The following LSM12 variants were observed in gnomAD, a reference collection of about 807,000 sequenced individuals.
LSM12 encodes LSM12 homolog.
For synonymous variants in LSM12, 74 were observed against 87.3 expected, an observed-to-expected ratio of 0.85 and a Z score of 0.85; for missense variants, 108 against 238.9, an observed-to-expected ratio of 0.45 and a Z score of 3.61.
At position 44,051,163 on chromosome 17, in the gene LSM12, T is replaced by G. The variant is rs187538962; in HGVS notation, c.259-10907A>C. Among the ~76,000 whole-genome samples, 98 of 151,988 alleles carry G rather than the reference T, an allele frequency of 6.4e-4. 2 individuals carry two copies. The highest frequency in any genetic ancestry group is 2.3e-3 in the African/African-American group (96 of 41,464). On this transcript the variant is annotated intron_variant, in intron 2 of 4. Coordinates refer to ENST00000293406, the MANE Select transcript of LSM12 (RefSeq NM_001371445.1). Reference sequence around the variant, plus strand: ...GGCTCACACCTGTAATCCCAGCACTTTGGGAGGCAGAGGAGGGCAGATCAC... The same window carrying G: ...GGCTCACACCTGTAATCCCAGCACTGTGGGAGGCAGAGGAGGGCAGATCAC...
At chr17:44,053,059 A>C (rs2049667629) in intron 2 of LSM12, among the ~76,000 whole-genome samples, 3 of 152,052 alleles carry the variant, frequency 2.0e-5, no homozygotes, top group African/African-American at 7.2e-5. Flanking sequence ...AGCACTCCCA[A>C]ATCAGCTTGA....
intron 1 of LSM12, among the ~76,000 whole-genome samples, chr17:44,065,047 C>CG (rs1219448012): frequency 3.3e-5 from 5 of 151,898 alleles, no homozygotes; most frequent in Admixed American, 3.3e-4. Flanking sequence ...GCAGAAGAAT[C>CG]GCTTGAATCC....
rs1597901725 is a variant in LSM12 at position 44,066,619 on chromosome 17, G to A, written c.-32C>T. 6 of 1,317,246 alleles carry A rather than the reference G, an allele frequency of 4.6e-6. No homozygotes were observed. The highest frequency in any genetic ancestry group is 1.5e-5 in the African/African-American group (1 of 64,672). 81.6% of individuals were successfully genotyped at this position (1,317,246 alleles called of 1,614,324 possible). On this transcript the variant is annotated 5_prime_UTR_variant, in exon 1 of 5. Coordinates refer to ENST00000293406, the MANE Select transcript of LSM12 (RefSeq NM_001371445.1). ...AGTGCAGCCGCGGCCGGCGGCGGCGGCGGCAGCAGCGGGCGAAAGCCGGGC... is the reference window on the plus strand; with the variant it reads ...AGTGCAGCCGCGGCCGGCGGCGGCGACGGCAGCAGCGGGCGAAAGCCGGGC...
upstream of LSM12, among the ~76,000 whole-genome samples, chr17:44,067,126 C>A (rs568377725): frequency 6.6e-6 from 1 of 152,096 alleles, no homozygotes; most frequent in East Asian, 1.9e-4. Context: ...ATGGTGAAAC[C>A]CCGTCTCTAC....
At chr17:44,065,258 C>T (rs772995825) in intron 1 of LSM12, among the ~76,000 whole-genome samples, 24 of 151,504 alleles carry the variant, frequency 1.6e-4, no homozygotes, top group Non-Finnish European at 2.6e-4. Flanking sequence ...CATGGTGATA[C>T]CCCATCTCTG....
intron 2 of LSM12, among the ~76,000 whole-genome samples, chr17:44,049,411 G>A (rs566445096): frequency 1.3e-5 from 2 of 152,216 alleles, no homozygotes; most frequent in South Asian, 2.1e-4. Context: ...CAGAGTAGCT[G>A]AGACTATAGG....
At chr17:44,064,691 C>A (rs1456680136) in intron 1 of LSM12, among the ~76,000 whole-genome samples, 1 of 151,000 alleles carries the variant, frequency 6.6e-6, no homozygotes, top group Non-Finnish European at 1.5e-5. Flanking sequence ...CGAGATGGTG[C>A]CACTGCACTC....
upstream of LSM12, among the ~76,000 whole-genome samples, chr17:44,067,082 CT>C (rs1277970399): frequency 6.6e-6 from 1 of 152,086 alleles, no homozygotes; most frequent in Non-Finnish European, 1.5e-5. Flanking sequence ...GGTGGATCAC[CT>C]GAGGTCAGGG....
intron 2 of LSM12, among the ~76,000 whole-genome samples, chr17:44,053,106 C>T (rs2049668103): frequency 1.3e-5 from 2 of 152,046 alleles, no homozygotes; most frequent in African/African-American, 4.8e-5. Flanking sequence ...TGAATAATTG[C>T]CATTTATTTT....
chr17:44,061,054 ACGCCTGTAATTCCAGCACTTTGGGAGG>A (rs1349588824), intron 2 of LSM12, among the ~76,000 whole-genome samples: 1 of 152,222 alleles, frequency 6.6e-6, no homozygotes, highest in East Asian at 1.9e-4. Flanking sequence ...ACAGTGGCTC[ACGCCTGTAATTCCAGCACTTTGGGAGG>A]CTGAGGCGGG....
At chr17:44,056,957 C>T (rs1464502315) in intron 2 of LSM12, among the ~76,000 whole-genome samples, 1 of 151,900 alleles carries the variant, frequency 6.6e-6, no homozygotes, top group African/African-American at 2.4e-5. Context: ...TGCCATTGCA[C>T]TCCAGCTTGG....
At chr17:44,062,048 C>T (rs1043415709) in intron 2 of LSM12, among the ~76,000 whole-genome samples, 1 of 151,840 alleles carries the variant, frequency 6.6e-6, no homozygotes, top group African/African-American at 2.4e-5. Context: ...AGTGAAACCC[C>T]GTCTCTACTA....
intron 3 of LSM12, among the ~76,000 whole-genome samples, chr17:44,039,677 G>A (rs941760665): frequency 6.6e-6 from 1 of 152,104 alleles, no homozygotes; most frequent in African/African-American, 2.4e-5. Flanking sequence ...CACCGCGCCC[G>A]GCCCCAAAAT....
intron 2 of LSM12, among the ~76,000 whole-genome samples, chr17:44,053,735 A>G (rs1170641218): frequency 6.6e-6 from 1 of 152,154 alleles, no homozygotes; most frequent in Non-Finnish European, 1.5e-5. Flanking sequence ...TACTTTTAGC[A>G]TAATGTGTAG....
chr17:44,041,542 A>C (rs1048048290), intron 2 of LSM12, among the ~76,000 whole-genome samples: 7 of 152,124 alleles, frequency 4.6e-5, no homozygotes, highest in African/African-American at 1.4e-4. Context: ...TCCACCTTTA[A>C]CTTTAGCTAA....
chr17:44,039,742 A>C (rs2049464293), intron 3 of LSM12, among the ~76,000 whole-genome samples: 1 of 152,206 alleles, frequency 6.6e-6, no homozygotes, highest in Admixed American at 6.5e-5. Context: ...TGTTCATCCC[A>C]ATCTACAATG....
At chr17:44,053,600 G>C (rs988676946) in intron 2 of LSM12, among the ~76,000 whole-genome samples, 1 of 152,090 alleles carries the variant, frequency 6.6e-6, no homozygotes, top group African/African-American at 2.4e-5. Flanking sequence ...GAAAAAAGGA[G>C]AAACAATGAC....
In LSM12 at chr17:44,034,756, G is replaced by A. The variant is rs2049397689; in HGVS notation, c.*1452C>T. The stretch of plus-strand genomic sequence containing the variant: ...CCATTTATTTAATTAAAAAAAAAAG[G>A]AAGGGGAAAGAGATCATGGCCAAAA... On this transcript the variant is annotated 3_prime_UTR_variant, in exon 5 of 5. Coordinates refer to ENST00000293406, the MANE Select transcript of LSM12 (RefSeq NM_001371445.1). 1 of 125,324 alleles carries A rather than the reference G, an allele frequency of 8.0e-6. No homozygotes were observed. Among genetic ancestry groups the A allele is most frequent in the South Asian group, 3.0e-4 (1 of 3,332 alleles). 7.8% of individuals were successfully genotyped at this position (125,324 alleles called of 1,614,324 possible).
chr17:44,057,586 C>T (rs968272328), intron 2 of LSM12, among the ~76,000 whole-genome samples: 3 of 150,176 alleles, frequency 2.0e-5, no homozygotes, highest in Non-Finnish European at 4.4e-5. Flanking sequence ...ATGGTGAAAC[C>T]CTGTCTCTAC....
Sources: gnomAD v4.1 joint callset for allele counts (sites outside exome capture counted in the v4.1 genomes callset) on GRCh38, gnomAD v4.1.1 for gene constraint, MANE v1.5 for transcripts, NCBI Gene and HGNC (gene_info 2026-07-23, HGNC 2026-07-21) for gene names.